The following CADM2 variants were observed in gnomAD, a reference collection of about 807,000 sequenced individuals.
CADM2 encodes immunoglobulin superfamily member 4D.
In CADM2, 12 loss-of-function variants were observed where a neutral mutation model predicts 49.8. That is an observed-to-expected ratio of 0.24 (90% confidence interval 0.15 to 0.39). The LOEUF (loss-of-function observed/expected upper bound fraction) is 0.39. CADM2 is among the 10% of genes least tolerant of loss of function. The probability of loss-of-function intolerance (pLI) is 1.00; values close to 1 mark genes in which losing one functional copy is unlikely to be tolerated. For synonymous variants in CADM2, 214 were observed against 175.4 expected (o/e 1.22, Z -1.74); for missense variants, 378 against 492.3 (o/e 0.77, Z 2.20).
At chr3:85,120,730 G>A (rs1401229439) in intron 1 of CADM2, among the ~76,000 whole-genome samples, 1 of 152,058 alleles carries the variant, frequency 6.6e-6, no homozygotes, top group South Asian at 2.1e-4. Context: ...TCATGTAGAT[G>A]ACAGGTAGAT....
intron 1 of CADM2, among the ~76,000 whole-genome samples, chr3:85,601,171 TATAC>T (rs1404458957): frequency 5.0e-5 from 5 of 100,112 alleles, no homozygotes; most frequent in African/African-American, 1.3e-4. Context: ...TATATATATA[TATAC>T]ACACACACAC....
intron 1 of CADM2, among the ~76,000 whole-genome samples, chr3:85,364,774 T>G (rs974677611): frequency 6.6e-6 from 1 of 152,162 alleles, no homozygotes; most frequent in Non-Finnish European, 1.5e-5. Flanking sequence ...TAAAGCATCC[T>G]GGCAGACAGA....
intron 1 of CADM2, among the ~76,000 whole-genome samples, chr3:85,401,585 T>C (rs542350328): frequency 4.9e-4 from 75 of 152,284 alleles, no homozygotes; most frequent in South Asian, 1.2e-3. Context: ...GAGGACATTC[T>C]GGATGCCCAG....
At chr3:85,234,464 G>A (rs1232726196) in intron 1 of CADM2, among the ~76,000 whole-genome samples, 2 of 151,946 alleles carry the variant, frequency 1.3e-5, no homozygotes, top group Non-Finnish European at 2.9e-5. Context: ...TTTCACTAAC[G>A]GCTTGTGAGA....
At position 85,902,127 on chromosome 3, in the gene CADM2, A is replaced by G. The variant is rs138521401; in HGVS notation, c.530-10246A>G. On this transcript the variant is annotated intron_variant, in intron 5 of 9. Transcript: ENST00000383699. ...GGTTTTGTGTAGAAATATGCTTTCA[A>G]TTCTCTTGAGTATATTCCTGAGAAC... Among the ~76,000 whole-genome samples, 1,462 of 152,152 alleles carry G rather than the reference A, an allele frequency of 9.6e-3. 14 individuals are homozygous for G. The highest frequency in any genetic ancestry group is 0.044 in the Middle Eastern group (13 of 294).
At chr3:85,427,275 G>C (rs568709670) in intron 1 of CADM2, among the ~76,000 whole-genome samples, 1 of 149,684 alleles carries the variant, frequency 6.7e-6, no homozygotes, top group South Asian at 2.1e-4. Context: ...CTGACTAAAT[G>C]GCTGGTCCAA....
intron 1 of CADM2, among the ~76,000 whole-genome samples, chr3:85,699,069 T>C (rs2066662357): frequency 6.6e-6 from 1 of 152,198 alleles, no homozygotes; most frequent in Non-Finnish European, 1.5e-5. Flanking sequence ...TACAGGCTCA[T>C]GTAAATCCAA....
intron 1 of CADM2, among the ~76,000 whole-genome samples, chr3:85,530,377 C>T (rs1488580604): frequency 4.4e-5 from 6 of 136,500 alleles, no homozygotes; most frequent in African/African-American, 1.7e-4. Context: ...GTCGCCCAGG[C>T]TGGAGTGCAG....
At chr3:85,067,084 A>G (rs143092046) in intron 1 of CADM2, among the ~76,000 whole-genome samples, 2 of 152,030 alleles carry the variant, frequency 1.3e-5, no homozygotes, top group East Asian at 3.9e-4. Flanking sequence ...TGTTAAAAAC[A>G]CTCTATTTTT....
At chr3:85,678,597 T>C (rs1017414191) in intron 1 of CADM2, among the ~76,000 whole-genome samples, 1 of 152,202 alleles carries the variant, frequency 6.6e-6, no homozygotes, top group African/African-American at 2.4e-5. Context: ...AATAGTTCAT[T>C]TCTGTTATAT....
At chr3:85,838,684 T>C (rs1170486878) in intron 3 of CADM2, among the ~76,000 whole-genome samples, 1 of 151,650 alleles carries the variant, frequency 6.6e-6, no homozygotes, top group Non-Finnish European at 1.5e-5. Flanking sequence ...GTTGAAAAAA[T>C]CATCAGATAT....
At chr3:85,617,762 A>T (rs2063838916) in intron 1 of CADM2, among the ~76,000 whole-genome samples, 1 of 152,118 alleles carries the variant, frequency 6.6e-6, no homozygotes, top group Non-Finnish European at 1.5e-5. Flanking sequence ...AAAAAAAGTC[A>T]TCTCTTTGGA....
chr3:84,977,161 T>C (rs370090002), intron 1 of CADM2, among the ~76,000 whole-genome samples: 1 of 151,986 alleles, frequency 6.6e-6, no homozygotes, highest in African/African-American at 2.4e-5. Flanking sequence ...TTTATTATAC[T>C]GAAAGAAATC....
intron 2 of CADM2, among the ~76,000 whole-genome samples, chr3:85,766,069 A>G (rs1172544386): frequency 1.3e-5 from 2 of 152,138 alleles, no homozygotes; most frequent in African/African-American, 4.8e-5. Context: ...GCAGTTTTCT[A>G]TTCTCACCAT....
chr3:85,400,455 T>TG (rs1438786398), intron 1 of CADM2, among the ~76,000 whole-genome samples: 1 of 152,210 alleles, frequency 6.6e-6, no homozygotes, highest in Non-Finnish European at 1.5e-5. Flanking sequence ...AGGATGATAC[T>TG]GGCCTCATAA....
chr3:85,358,693 TAGA>T (rs1337280955), intron 1 of CADM2, among the ~76,000 whole-genome samples: 1 of 152,188 alleles, frequency 6.6e-6, no homozygotes, highest in Non-Finnish European at 1.5e-5. Flanking sequence ...GTACTAATCT[TAGA>T]AGAACTGTTT....
chr3:85,645,344 ATAAAG>A (rs1010819922), intron 1 of CADM2, among the ~76,000 whole-genome samples: 1 of 152,084 alleles, frequency 6.6e-6, no homozygotes, highest in African/African-American at 2.4e-5. Flanking sequence ...TTTATTTTAA[ATAAAG>A]TAATAAAATT....
chr3:85,426,523 T>G (rs2036414381), intron 1 of CADM2, among the ~76,000 whole-genome samples: 1 of 152,122 alleles, frequency 6.6e-6, no homozygotes, highest in African/African-American at 2.4e-5. Flanking sequence ...GTGTATATAT[T>G]TACGGGGTGC....
chr3:85,332,136 C>A (rs193118737), intron 1 of CADM2, among the ~76,000 whole-genome samples: 1 of 151,942 alleles, frequency 6.6e-6, no homozygotes, highest in Admixed American at 6.6e-5. Context: ...GTTGAGACAA[C>A]GGCTGAGAAG....
Sources: allele counts gnomAD v4.1 joint callset (sites outside exome capture counted in the v4.1 genomes callset), GRCh38; gene constraint gnomAD v4.1.1; transcripts MANE v1.5; gene names NCBI Gene and HGNC (gene_info 2026-07-23, HGNC 2026-07-21).